Variants in KCNH5 observed in about 807,000 individuals in gnomAD.
KCNH5 encodes potassium voltage-gated channel subfamily H member 5.
Under a neutral mutation model 96.1 loss-of-function variants are expected in KCNH5, and 46 were observed. That is an observed-to-expected ratio of 0.48 (90% confidence interval 0.38 to 0.61). The LOEUF (loss-of-function observed/expected upper bound fraction) is 0.61. KCNH5 is among the 20% of genes least tolerant of loss of function. The probability of loss-of-function intolerance (pLI) is 0.00; values close to 1 mark genes in which losing one functional copy is unlikely to be tolerated. For synonymous variants in KCNH5, 439 were observed against 449.8 expected (o/e 0.98, Z 0.30); for missense variants, 907 against 1,225.8 (o/e 0.74, Z 3.88).
intron 8 of KCNH5, among the ~76,000 whole-genome samples, chr14:62,832,920 G>C (rs1047681901): frequency 2.0e-5 from 3 of 152,094 alleles, no homozygotes; most frequent in African/African-American, 7.2e-5. Context: ...GTTTTCTTAG[G>C]AGAAATGTTT....
At chr14:62,956,993 T>A (rs918093251) in intron 6 of KCNH5, among the ~76,000 whole-genome samples, 2 of 152,130 alleles carry the variant, frequency 1.3e-5, no homozygotes, top group South Asian at 2.1e-4. Context: ...AGTACACAAA[T>A]CCCTGAGGTT....
At chr14:62,726,408 A>T (rs184023492) in intron 10 of KCNH5, among the ~76,000 whole-genome samples, 1 of 152,144 alleles carries the variant, frequency 6.6e-6, no homozygotes, top group East Asian at 1.9e-4. Context: ...CCCGATAAAA[A>T]CTCATATCCA....
chr14:62,789,395 G>C (rs988944691), intron 9 of KCNH5, among the ~76,000 whole-genome samples: 1 of 152,010 alleles, frequency 6.6e-6, no homozygotes. Flanking sequence ...AAACATGGGG[G>C]TGCAGATATC....
In KCNH5 at chr14:62,704,006, C is replaced by A. The variant is rs1288889242; in HGVS notation, c.*3502G>T. ...TATTTAAAATAAGATATCAAATGGA[C>A]CAGATATCACAGGGTGAACAAAATC... On this transcript the variant is annotated 3_prime_UTR_variant, in exon 11 of 11. Coordinates refer to ENST00000322893, the MANE Select transcript of KCNH5 (RefSeq NM_139318.5). 4 of 151,744 alleles carry A rather than the reference C, an allele frequency of 2.6e-5. No homozygotes were observed. The highest frequency in any genetic ancestry group is 5.9e-5 in the Non-Finnish European group (4 of 67,776). The allele number at this position is 151,744 out of a possible 1,614,324, so 9.4% of individuals were successfully genotyped here. A position where few individuals can be genotyped will look rare whatever the true frequency, so the allele number is the denominator to read the frequency against.
intron 2 of KCNH5, among the ~76,000 whole-genome samples, chr14:63,014,355 C>T (rs1037318584): frequency 6.6e-6 from 1 of 152,112 alleles, no homozygotes; most frequent in African/African-American, 2.4e-5. Flanking sequence ...ACATAAGACA[C>T]TGTCTTGTGT....
At chr14:62,885,716 C>A (rs1219540360) in intron 7 of KCNH5, among the ~76,000 whole-genome samples, 3 of 152,106 alleles carry the variant, frequency 2.0e-5, no homozygotes, top group Non-Finnish European at 4.4e-5. Flanking sequence ...TAAATGAGTT[C>A]TTTAAACAAT....
intron 6 of KCNH5, among the ~76,000 whole-genome samples, chr14:62,951,962 C>CAAAAAAA (rs36114434): frequency 9.5e-6 from 1 of 105,508 alleles, no homozygotes; most frequent in African/African-American, 4.0e-5. Context: ...GACTCCGTCT[C>CAAAAAAA]AAAAAAAAAA....
rs547843926 is a variant in KCNH5 at position 62,779,539 on chromosome 14, C to T, written c.2019+189G>A. ...AATGGTAAAGATTCAAATCTTTACT[C>T]ATAGAAATAGGGTTTTTTTCCTTAA... On this transcript the variant is annotated intron_variant, in intron 10 of 10. Transcript: ENST00000322893. Among the ~76,000 whole-genome samples the T allele has an allele frequency of 7.9e-5, 12 of 152,126 alleles. No homozygotes were observed. The South Asian group carries it at 2.5e-3, about 32-fold the overall frequency.
chr14:62,898,582 T>A (rs974281556), intron 7 of KCNH5, among the ~76,000 whole-genome samples: 2 of 152,054 alleles, frequency 1.3e-5, no homozygotes, highest in Admixed American at 6.5e-5. Context: ...AGTGATTTTT[T>A]AAAAAAATAT....
intron 10 of KCNH5, among the ~76,000 whole-genome samples, chr14:62,723,154 AAAAG>A (rs775148854): frequency 6.6e-6 from 1 of 152,048 alleles, no homozygotes; most frequent in Non-Finnish European, 1.5e-5. Context: ...TTTTTACCAT[AAAAG>A]AAATTTTCTA....
chr14:62,971,915 C>T (rs1402568663), intron 6 of KCNH5, among the ~76,000 whole-genome samples: 1 of 151,940 alleles, frequency 6.6e-6, no homozygotes, highest in African/African-American at 2.4e-5. Flanking sequence ...GAAGACAACA[C>T]AGGAGAAAAT....
intron 7 of KCNH5, among the ~76,000 whole-genome samples, chr14:62,906,451 T>C (rs1889029553): frequency 6.6e-6 from 1 of 152,164 alleles, no homozygotes; most frequent in African/African-American, 2.4e-5. Context: ...AAAATCCCTT[T>C]CCTCTCTTTT....
rs571537536 is a variant in KCNH5, at chr14:62,822,373, T to C, written c.1570-19792A>G. Among the ~76,000 whole-genome samples the C allele has an allele frequency of 2.6e-5, 4 of 152,218 alleles. No individual in the cohort carries two copies. The East Asian group carries it at 7.7e-4, about 29-fold the overall frequency. On this transcript the variant is annotated intron_variant, in intron 8 of 10. Transcript: ENST00000322893. ...ACTCTATCCAATGTTAGGCATACCT[T>C]ATAGCTATAGTAATTAAGACAGCGT...
chr14:62,744,594 A>C (rs935409240), intron 10 of KCNH5, among the ~76,000 whole-genome samples: 1 of 152,240 alleles, frequency 6.6e-6, no homozygotes, highest in African/African-American at 2.4e-5. Flanking sequence ...ATACTAAATA[A>C]AGACAAAAAG....
chr14:62,810,391 G>A (rs1312820214), intron 8 of KCNH5, among the ~76,000 whole-genome samples: 3 of 151,982 alleles, frequency 2.0e-5, no homozygotes, highest in African/African-American at 7.2e-5. Context: ...TCAGAGGGAT[G>A]CGAACTAGAA....
At chr14:62,773,973 C>T (rs551382466) in intron 10 of KCNH5, among the ~76,000 whole-genome samples, 2 of 152,118 alleles carry the variant, frequency 1.3e-5, no homozygotes, top group Admixed American at 1.3e-4. Flanking sequence ...TCCTACCAAC[C>T]TTTATATATG....
chr14:62,845,658 C>A (rs1887676852), intron 8 of KCNH5, among the ~76,000 whole-genome samples: 1 of 152,134 alleles, frequency 6.6e-6, no homozygotes, highest in Middle Eastern at 3.4e-3. Context: ...GGAGGTAGAG[C>A]CAAAAGGATT....
intron 1 of KCNH5, among the ~76,000 whole-genome samples, chr14:63,032,215 GAGA>G (rs1891642530): frequency 1.3e-5 from 2 of 152,112 alleles, no homozygotes; most frequent in East Asian, 3.9e-4. Flanking sequence ...TCTAACTTTG[GAGA>G]AGGACACCAC....
At chr14:62,868,546 T>C (rs1393613159) in intron 7 of KCNH5, among the ~76,000 whole-genome samples, 2 of 152,230 alleles carry the variant, frequency 1.3e-5, no homozygotes, top group Non-Finnish European at 2.9e-5. Flanking sequence ...TTTTAAAATT[T>C]TTTAATTTAA....
Sources: allele counts gnomAD v4.1 joint callset (sites outside exome capture counted in the v4.1 genomes callset), GRCh38; gene constraint gnomAD v4.1.1; transcripts MANE v1.5; gene names NCBI Gene and HGNC (gene_info 2026-07-23, HGNC 2026-07-21).